The following CD99 variants were observed in gnomAD, a reference collection of about 807,000 sequenced individuals.
The protein encoded by CD99 is CD99 antigen.
A neutral mutation model predicts 28.4 loss-of-function variants in CD99; 19 were observed. The observed-to-expected ratio is 0.67, with a 90% CI of 0.47 to 0.98. CD99 has a LOEUF of 0.98. CD99 is among the 50% of genes least tolerant of loss of function. The pLI is 0.00. For synonymous variants in CD99, 103 were observed against 92.1 expected, an observed-to-expected ratio of 1.12 and a Z score of -0.67; for missense variants, 283 against 248.8, an observed-to-expected ratio of 1.14 and a Z score of -0.92.
chrX:2,739,960 C>T (rs1038840259), intron 9 of CD99, among the ~76,000 whole-genome samples: 49 of 148,676 alleles, frequency 3.3e-4, no homozygotes, highest in African/African-American at 7.7e-4. Flanking sequence ...GGCATCGTGG[C>T]GCATGCCTGT....
intron 7 of CD99, among the ~76,000 whole-genome samples, chrX:2,725,099 A>T (rs1490210083): frequency 2.5e-5 from 3 of 120,750 alleles, no homozygotes; most frequent in African/African-American, 1.1e-4. Context: ...GGAATAACAT[A>T]AAAAAAAAAA....
At chrX:2,703,605 AGTGT>A (rs556444956) in intron 1 of CD99, among the ~76,000 whole-genome samples, 11,686 of 138,296 alleles carry the variant, frequency 0.084, 528 homozygotes, top group East Asian at 0.15. Flanking sequence ...CGAGCTGTTA[AGTGT>A]GTGTGTGTGT....
intron 5 of CD99, among the ~76,000 whole-genome samples, chrX:2,722,163 G>A (rs949498005): frequency 2.7e-5 from 4 of 150,480 alleles, no homozygotes; most frequent in Non-Finnish European, 4.4e-5. Flanking sequence ...TCAATTGGCC[G>A]TGGATACTTC....
rs1015684347 is a variant in CD99 at position 2,723,288 on chromosome X, T to C, written c.311-26T>C. ...TTTTCCTTGACCCCAAACCTTCCCA[T>C]TGCAGACGTTGTTTTTGTCTTGCAG... On this transcript the variant is annotated intron_variant, in intron 6 of 9. Transcript: ENST00000381192. 3 of 1,613,492 alleles carry C rather than the reference T, an allele frequency of 1.9e-6. No homozygotes were observed. The African/African-American group carries it at 4.0e-5, about 22-fold the overall frequency.
In CD99 at chrX:2,705,437, C is replaced by T. The variant is rs141143387; in HGVS notation, c.68-8985C>T. ...TACAATATGTTTGGTAAGATCTCAGCGCCAGATTTTTTTAAATGATGTGTT... is the reference window on the plus strand; with the variant it reads ...TACAATATGTTTGGTAAGATCTCAGTGCCAGATTTTTTTAAATGATGTGTT... On this transcript the variant is annotated intron_variant, in intron 1 of 9. Coordinates refer to ENST00000381192, the MANE Select transcript of CD99 (RefSeq NM_002414.5). 2.6e-4 allele frequency among the ~76,000 whole-genome samples: 39 copies of T among 152,232 alleles called. No individual in the cohort carries two copies. The East Asian group carries it at 6.9e-3, about 27-fold the overall frequency.
chrX:2,740,762 GTC>G lies in CD99; in HGVS notation c.533-13_533-12del, dbSNP rs1252475569. The G allele has an allele frequency of 1.2e-6, 2 of 1,613,560 alleles. No individual in the cohort carries two copies. The highest frequency in any genetic ancestry group is 3.3e-5 in the Admixed American group (2 of 59,956). On this transcript the variant is annotated splice_polypyrimidine_tract_variant and intron_variant, in intron 9 of 9. Transcript: ENST00000381192. ...AGGGACCTGGGAATGACTTTCTTTTGTCTCTGTCTCCCACAGTTCAGCGTACT... is the reference window on the plus strand; with the variant it reads ...AGGGACCTGGGAATGACTTTCTTTTGTCTGTCTCCCACAGTTCAGCGTACT...
chrX:2,719,285 G>C (rs1196670781), intron 3 of CD99: 2 of 241,372 alleles, frequency 8.3e-6, no homozygotes, highest in Admixed American at 5.1e-5. Context: ...TGGGAGGAGA[G>C]GATGATGGGA....
chrX:2,724,790 G>C (rs186278564), intron 7 of CD99, among the ~76,000 whole-genome samples: 8 of 152,016 alleles, frequency 5.3e-5, no homozygotes, highest in African/African-American at 1.9e-4. Flanking sequence ...TGTAGTCCTA[G>C]CTACTCGGGA....
intron 2 of CD99, among the ~76,000 whole-genome samples, chrX:2,715,933 G>C (rs2048685813): frequency 6.6e-6 from 1 of 151,732 alleles, no homozygotes; most frequent in African/African-American, 2.4e-5. Flanking sequence ...CAAAGACCCT[G>C]TTTCCAAGTA....
chrX:2,722,622 C>T lies in CD99; in HGVS notation c.263-5C>T. 6.2e-7 allele frequency: 1 copy of T among 1,613,916 alleles called. No homozygotes were observed. Among genetic ancestry groups the T allele is most frequent in the Non-Finnish European group, 8.5e-7 (1 of 1,179,808 alleles). ...TGACAGGTGATGCTGTATTTTCTTTCCTAGGTAGCTTTTCAGATGCTGACC... is the reference window on the plus strand; with the variant it reads ...TGACAGGTGATGCTGTATTTTCTTTTCTAGGTAGCTTTTCAGATGCTGACC... On this transcript the variant is annotated splice_polypyrimidine_tract_variant and splice_region_variant and intron_variant, in intron 5 of 9. Coordinates refer to ENST00000381192, the MANE Select transcript of CD99 (RefSeq NM_002414.5).
intron 1 of CD99, among the ~76,000 whole-genome samples, chrX:2,702,307 T>A (rs2047897267): frequency 6.6e-6 from 1 of 152,124 alleles, no homozygotes; most frequent in East Asian, 1.9e-4. Context: ...GGGGCCCAAA[T>A]TCTGTGACCC....
At chrX:2,735,534 G>A (rs1216199884) in intron 8 of CD99, among the ~76,000 whole-genome samples, 3 of 152,060 alleles carry the variant, frequency 2.0e-5, no homozygotes, top group Non-Finnish European at 2.9e-5. Flanking sequence ...TTTAAAACTC[G>A]CCAGCTTTTA....
intron 7 of CD99, among the ~76,000 whole-genome samples, chrX:2,724,475 A>C (rs1314280360): frequency 2.6e-5 from 4 of 152,170 alleles, no homozygotes; most frequent in Non-Finnish European, 4.4e-5. Context: ...TGGAATGAAT[A>C]ATCTCTTCAA....
At chrX:2,713,305 GCA>G (rs1201164051) in intron 1 of CD99, among the ~76,000 whole-genome samples, 1 of 122,680 alleles carries the variant, frequency 8.2e-6, no homozygotes. Flanking sequence ...TGACACATAT[GCA>G]CACAAAAAAC....
intron 5 of CD99, among the ~76,000 whole-genome samples, chrX:2,722,141 A>C (rs925105699): frequency 2.7e-5 from 4 of 147,218 alleles, no homozygotes. Context: ...AAAAAAAAAA[A>C]ACAAACCTGC....
In CD99 at chrX:2,719,537, A is replaced by G. The variant is rs1204634217; in HGVS notation, c.149-124A>G. ...ACTTTTTCTAATGAGATCCTGGTCA[A>G]GCTGATATTCAGAAAAGTATTTAGG... On this transcript the variant is annotated intron_variant, in intron 3 of 9. Transcript: ENST00000381192. 3.8e-6 allele frequency: 3 copies of G among 787,440 alleles called. No individual in the cohort carries two copies. In the East Asian group the frequency reaches 7.3e-5, roughly 19 times the overall value. The allele number at this position is 787,440 out of a possible 1,614,324, so 48.8% of individuals were successfully genotyped here.
intron 8 of CD99, chrX:2,727,460 C>T (rs1441637646): frequency 2.7e-5 from 19 of 711,476 alleles, no homozygotes; most frequent in Non-Finnish European, 4.7e-5. Flanking sequence ...GGAATCCCAT[C>T]GACCGGGAAC....
chrX:2,695,636 T>TC (rs1057132667), intron 1 of CD99, among the ~76,000 whole-genome samples: 2 of 134,494 alleles, frequency 1.5e-5, no homozygotes, highest in African/African-American at 6.0e-5. Context: ...GAAAAAAAAG[T>TC]CTTTTTTTTT....
chrX:2,701,369 G>T (rs759283956), intron 1 of CD99, among the ~76,000 whole-genome samples: 43 of 152,324 alleles, frequency 2.8e-4, no homozygotes, highest in Admixed American at 9.2e-4. Context: ...ATTTGCTGTG[G>T]TCCCTGTTTT....
Sources: allele counts gnomAD v4.1 joint callset (sites outside exome capture counted in the v4.1 genomes callset), GRCh38; gene constraint gnomAD v4.1.1; transcripts MANE v1.5; gene names NCBI Gene and HGNC (gene_info 2026-07-23, HGNC 2026-07-21).